Variants in STPG2 observed in about 807,000 individuals in gnomAD.
STPG2 encodes the protein sperm tail PG-rich repeat containing 2, also known as sperm-tail PG-rich repeat-containing protein 2.
Under a neutral mutation model 54.2 loss-of-function variants are expected in STPG2, and 56 were observed. That is an observed-to-expected ratio of 1.03 (90% confidence interval 0.83 to 1.29). The LOEUF is 1.29. Ranked by LOEUF, STPG2 falls within the 50% of genes most tolerant of loss-of-function variation. The pLI is 0.00. For synonymous variants in STPG2, 200 were observed against 181.8 expected (o/e 1.10, Z -0.81); for missense variants, 596 against 544.9 (o/e 1.09, Z -0.93).
chr4:97,902,830 G>C (rs1311755910), intron 8 of STPG2, among the ~76,000 whole-genome samples: 1 of 152,114 alleles, frequency 6.6e-6, no homozygotes, highest in Non-Finnish European at 1.5e-5. Flanking sequence ...GTATGTTGAA[G>C]AGATATCAGT....
At chr4:98,137,527 C>T (rs1740168699) in intron 1 of STPG2, among the ~76,000 whole-genome samples, 2 of 151,272 alleles carry the variant, frequency 1.3e-5, no homozygotes, top group Non-Finnish European at 3.0e-5. Flanking sequence ...ATGTGATTTT[C>T]TATGTAAGTA....
At chr4:97,865,100 A>C (rs1220853394) in intron 8 of STPG2, among the ~76,000 whole-genome samples, 1 of 152,208 alleles carries the variant, frequency 6.6e-6, no homozygotes, top group Non-Finnish European at 1.5e-5. Flanking sequence ...ATGGGATCTC[A>C]TTAAACTAAA....
Position 97,648,516 on chromosome 4 carries a change from G to A in STPG2, c.1320+64183C>T, listed in dbSNP as rs1560702340. On this transcript the variant is annotated intron_variant, in intron 10 of 10. Coordinates refer to ENST00000295268, the MANE Select transcript of STPG2 (RefSeq NM_174952.3). Reference sequence around the variant, plus strand: ...TTACTTGAATCGATCTTATGCTTAAGGTATGCTGAACACTCTCTCAGCAAC... The same window carrying A: ...TTACTTGAATCGATCTTATGCTTAAAGTATGCTGAACACTCTCTCAGCAAC... Among the ~76,000 whole-genome samples, 3 of 152,188 alleles carry A rather than the reference G, an allele frequency of 2.0e-5. No homozygotes were observed. The East Asian group carries it at 5.8e-4, about 30-fold the overall frequency.
intron 5 of STPG2, among the ~76,000 whole-genome samples, chr4:98,084,811 CT>C (rs1258248638): frequency 1.3e-5 from 2 of 152,030 alleles, no homozygotes; most frequent in Non-Finnish European, 2.9e-5. Context: ...AGTTCTTAGT[CT>C]TCGTATTGAG....
At chr4:97,875,364 G>A (rs1730139313) in intron 8 of STPG2, among the ~76,000 whole-genome samples, 1 of 151,042 alleles carries the variant, frequency 6.6e-6, no homozygotes, top group African/African-American at 2.4e-5. Context: ...TTTTTTAAAG[G>A]CCAAAGACCT....
chr4:97,544,372 A>T (rs1008510961), intron 4 of STPG2, among the ~76,000 whole-genome samples: 3 of 152,152 alleles, frequency 2.0e-5, no homozygotes, highest in Admixed American at 2.0e-4. Context: ...GAAATTTAGG[A>T]TAAATGGATT....
chr4:97,891,208 A>T (rs1449838306), intron 8 of STPG2, among the ~76,000 whole-genome samples: 3 of 152,104 alleles, frequency 2.0e-5, no homozygotes, highest in Non-Finnish European at 4.4e-5. Flanking sequence ...ATGTCAAAAA[A>T]GTTATTACTT....
intron 4 of STPG2, among the ~76,000 whole-genome samples, chr4:97,513,536 T>C (rs1429443527): frequency 1.3e-5 from 2 of 152,078 alleles, no homozygotes; most frequent in Non-Finnish European, 2.9e-5. Flanking sequence ...CTCATTCACA[T>C]ACAGAAGACT....
chr4:97,570,560 G>GTTT (rs34459070), intron 10 of STPG2, among the ~76,000 whole-genome samples: 1 of 145,274 alleles, frequency 6.9e-6, no homozygotes, highest in Non-Finnish European at 1.5e-5. Context: ...AAAAACAAAA[G>GTTT]TTTTTTTTTT....
chr4:97,653,448 G>T (rs190020707), intron 10 of STPG2, among the ~76,000 whole-genome samples: 19 of 150,210 alleles, frequency 1.3e-4, no homozygotes, highest in Non-Finnish European at 4.4e-5. Context: ...CACATGGAAA[G>T]TAAAATAAAA....
chr4:97,711,388 C>T (rs943795104), intron 10 of STPG2, among the ~76,000 whole-genome samples: 2 of 152,094 alleles, frequency 1.3e-5, no homozygotes, highest in African/African-American at 2.4e-5. Flanking sequence ...ACAAGACTTG[C>T]CTTAAGTCAC....
At chr4:97,906,989 T>C (rs1292207288) in intron 8 of STPG2, among the ~76,000 whole-genome samples, 2 of 149,784 alleles carry the variant, frequency 1.3e-5, no homozygotes, top group Admixed American at 6.6e-5. Context: ...CCACTCCTAT[T>C]CAACATAGTG....
At chr4:97,719,986 G>A (rs1186207248) in intron 9 of STPG2, among the ~76,000 whole-genome samples, 1 of 151,892 alleles carries the variant, frequency 6.6e-6, no homozygotes, top group East Asian at 1.9e-4. Context: ...CTAGGAAAAA[G>A]ACTTTCTTTT....
At chr4:98,020,948 G>T (rs1180337028) in intron 5 of STPG2, among the ~76,000 whole-genome samples, 2 of 151,918 alleles carry the variant, frequency 1.3e-5, no homozygotes, top group Non-Finnish European at 1.5e-5. Flanking sequence ...TATCAGTTTT[G>T]TTGATCTTTT....
chr4:98,022,989 G>A (rs1475464237), intron 5 of STPG2, among the ~76,000 whole-genome samples: 1 of 152,112 alleles, frequency 6.6e-6, no homozygotes, highest in Admixed American at 6.5e-5. Context: ...GGAGTAGTTT[G>A]ATCTTCTGAA....
chr4:97,895,428 A>G (rs1730920869), intron 8 of STPG2, among the ~76,000 whole-genome samples: 1 of 151,898 alleles, frequency 6.6e-6, no homozygotes, highest in Admixed American at 6.6e-5. Flanking sequence ...TCGATTCTGT[A>G]TACACTCCAT....
intron 10 of STPG2, among the ~76,000 whole-genome samples, chr4:97,571,662 C>T (rs1732604018): frequency 6.6e-6 from 1 of 152,088 alleles, no homozygotes. Flanking sequence ...AGTTGTCCCA[C>T]CTTTCTGGAC....
chr4:97,678,008 T>C (rs565315821), intron 10 of STPG2, among the ~76,000 whole-genome samples: 1 of 152,172 alleles, frequency 6.6e-6, no homozygotes, highest in South Asian at 2.1e-4. Flanking sequence ...CATTAAATAC[T>C]GTTCTTTGGG....
Position 97,915,045 on chromosome 4 carries a change from T to C in STPG2, c.1044+28852A>G, listed in dbSNP as rs934827126. Among the ~76,000 whole-genome samples, 58 of 152,240 alleles carry C rather than the reference T, an allele frequency of 3.8e-4. 1 individual carries two copies. The highest frequency in any genetic ancestry group is 6.5e-5 in the Admixed American group (1 of 15,282). On this transcript the variant is annotated intron_variant, in intron 8 of 10. Coordinates refer to ENST00000295268, the MANE Select transcript of STPG2 (RefSeq NM_174952.3). Reference sequence around the variant, plus strand: ...TTATGTGTATACCACAATTTGTTTATCCATTCATCTAGTGATAGATATTTG... The same window carrying C: ...TTATGTGTATACCACAATTTGTTTACCCATTCATCTAGTGATAGATATTTG...
Sources: allele counts gnomAD v4.1 joint callset (sites outside exome capture counted in the v4.1 genomes callset), GRCh38; gene constraint gnomAD v4.1.1; transcripts MANE v1.5; gene names NCBI Gene and HGNC (gene_info 2026-07-23, HGNC 2026-07-21).